Variants in SYNDIG1 observed in about 807,000 individuals in gnomAD.
SYNDIG1 encodes synapse differentiation inducing 1, also known as synapse differentiation-inducing gene protein 1.
In SYNDIG1, 9 loss-of-function variants were observed where a neutral mutation model predicts 19.4. The ratio of observed to expected loss-of-function variants is 0.46; its 90% CI spans 0.28 to 0.81. The LOEUF is 0.81. SYNDIG1 is among the 30% of genes least tolerant of loss of function. The probability of loss-of-function intolerance (pLI) is 0.12; values close to 1 mark genes in which losing one functional copy is unlikely to be tolerated. For missense variants in SYNDIG1, 311 were observed against 343.3 expected (o/e 0.91, Z 0.74); for synonymous variants, 141 against 145.9 (o/e 0.97, Z 0.24).
At chr20:24,664,604 C>T (rs1012577073) in intron 3 of SYNDIG1, among the ~76,000 whole-genome samples, 2 of 152,146 alleles carry the variant, frequency 1.3e-5, no homozygotes, top group Admixed American at 1.3e-4. Flanking sequence ...TCCATCTCCT[C>T]GTGACCCCAA....
chr20:24,626,455 C>T (rs950984930), intron 3 of SYNDIG1, among the ~76,000 whole-genome samples: 3 of 150,460 alleles, frequency 2.0e-5, no homozygotes, highest in Admixed American at 6.6e-5. Flanking sequence ...AGGGCAGAGG[C>T]GCTCCCCACA....
chr20:24,605,874 T>C (rs1312639503), intron 3 of SYNDIG1, among the ~76,000 whole-genome samples: 1 of 152,252 alleles, frequency 6.6e-6, no homozygotes, highest in African/African-American at 2.4e-5. Flanking sequence ...CTGTGCACTC[T>C]TCCCTTTGGA....
At chr20:24,604,621 A>G (rs914756707) in intron 3 of SYNDIG1, among the ~76,000 whole-genome samples, 9 of 152,258 alleles carry the variant, frequency 5.9e-5, no homozygotes, top group Non-Finnish European at 1.3e-4. Flanking sequence ...CTCTTTTCCC[A>G]GAAAAATCAT....
At chr20:24,642,478 C>A (rs969043130) in intron 3 of SYNDIG1, among the ~76,000 whole-genome samples, 8 of 152,166 alleles carry the variant, frequency 5.3e-5, no homozygotes, top group African/African-American at 9.7e-5. Flanking sequence ...AATACTTTAT[C>A]ACCTTAAGGG....
intron 1 of SYNDIG1, among the ~76,000 whole-genome samples, chr20:24,473,602 G>A (rs1041811273): frequency 3.3e-5 from 5 of 152,098 alleles, no homozygotes; most frequent in Admixed American, 1.3e-4. Context: ...TGGATTGCAC[G>A]GGGAGTGGGG....
chr20:24,515,488 A>C (rs557117819), intron 1 of SYNDIG1, among the ~76,000 whole-genome samples: 95 of 152,246 alleles, frequency 6.2e-4, no homozygotes, highest in African/African-American at 2.1e-3. Context: ...ACTTCAGCAA[A>C]GTCTCAGGAT....
intron 3 of SYNDIG1, among the ~76,000 whole-genome samples, chr20:24,630,949 A>G (rs761437): frequency 0.61 from 92,070 of 152,152 alleles, 28,045 homozygotes; most frequent in Admixed American, 0.66. Context: ...GCAGGATCAC[A>G]TGATGATTTG....
At chr20:24,661,518 G>GAGGGAA (rs2059599299) in intron 3 of SYNDIG1, among the ~76,000 whole-genome samples, 3 of 100,888 alleles carry the variant, frequency 3.0e-5, no homozygotes, top group Non-Finnish European at 4.3e-5. Context: ...GAGGAAGGAG[G>GAGGGAA]GAGGGAGGAA....
At chr20:24,521,148 G>A (rs1394605581) in intron 1 of SYNDIG1, among the ~76,000 whole-genome samples, 2 of 152,158 alleles carry the variant, frequency 1.3e-5, no homozygotes, top group East Asian at 1.9e-4. Flanking sequence ...AGGAAAATTT[G>A]CTTCATTTTG....
In SYNDIG1 at chr20:24,519,204, T is replaced by C. The variant is rs191009899; in HGVS notation, c.-78-23816T>C. Among the ~76,000 whole-genome samples, 4 of 152,200 alleles carry C rather than the reference T, an allele frequency of 2.6e-5. No homozygotes were observed. In the East Asian group the frequency reaches 7.7e-4, roughly 29 times the overall value. ...ACAGGTCCAGGAGGCAGTGTGAGAGTTTATGATGTTAATTAATTACAAGAT... is the reference window on the plus strand; with the variant it reads ...ACAGGTCCAGGAGGCAGTGTGAGAGCTTATGATGTTAATTAATTACAAGAT... On this transcript the variant is annotated intron_variant, in intron 1 of 3. Transcript: ENST00000376862.
intron 1 of SYNDIG1, among the ~76,000 whole-genome samples, chr20:24,512,108 A>AATATATATATATAT (rs56002733): frequency 1.6e-4 from 12 of 76,550 alleles, no homozygotes; most frequent in Admixed American, 4.6e-4. Context: ...TGGTCTTTAA[A>AATATATATATATAT]ATATATATAT....
At chr20:24,539,749 T>C (rs993142849) in intron 1 of SYNDIG1, among the ~76,000 whole-genome samples, 2 of 145,772 alleles carry the variant, frequency 1.4e-5, no homozygotes, top group African/African-American at 5.2e-5. Context: ...CTTCTTTAAT[T>C]TTTTTCAGCA....
chr20:24,509,349 T>A (rs1026255042), intron 1 of SYNDIG1, among the ~76,000 whole-genome samples: 2 of 152,268 alleles, frequency 1.3e-5, no homozygotes, highest in African/African-American at 4.8e-5. Flanking sequence ...AAATTTTTAA[T>A]ATGCATTTCT....
chr20:24,469,992 G>A (rs898576645), intron 1 of SYNDIG1, among the ~76,000 whole-genome samples: 2 of 152,184 alleles, frequency 1.3e-5, no homozygotes, highest in African/African-American at 2.4e-5. Context: ...AGGGGGAGCT[G>A]AGCCGGCAGA....
At chr20:24,513,002 A>G (rs1173746239) in intron 1 of SYNDIG1, among the ~76,000 whole-genome samples, 1 of 152,158 alleles carries the variant, frequency 6.6e-6, no homozygotes, top group Non-Finnish European at 1.5e-5. Flanking sequence ...CGCTGGTGAT[A>G]ACCAGGCAAA....
intron 2 of SYNDIG1, among the ~76,000 whole-genome samples, chr20:24,547,952 T>C (rs6049778): frequency 1 from 151,980 of 152,326 alleles, 75,819 homozygotes; most frequent in African/African-American, 1. Context: ...CTCTCAGACC[T>C]GAAGTACATG....
chr20:24,650,801 TC>T (rs2059463691), intron 3 of SYNDIG1, among the ~76,000 whole-genome samples: 1 of 151,916 alleles, frequency 6.6e-6, no homozygotes, highest in Non-Finnish European at 1.5e-5. Flanking sequence ...TCCCAAGGGC[TC>T]CCAAGGACCA....
At chr20:24,641,565 T>A (rs766530590) in intron 3 of SYNDIG1, among the ~76,000 whole-genome samples, 3 of 152,172 alleles carry the variant, frequency 2.0e-5, no homozygotes, top group Non-Finnish European at 4.4e-5. Context: ...TGTTAGTATT[T>A]GTCGCAACCA....
chr20:24,545,191 T>C (rs1600579278), intron 2 of SYNDIG1, among the ~76,000 whole-genome samples: 1 of 152,088 alleles, frequency 6.6e-6, no homozygotes, highest in African/African-American at 2.4e-5. Context: ...TTGGTGCAAC[T>C]CCAGCCGGTG....
Sources: gnomAD v4.1 joint callset for allele counts (sites outside exome capture counted in the v4.1 genomes callset) on GRCh38, gnomAD v4.1.1 for gene constraint, MANE v1.5 for transcripts, NCBI Gene and HGNC (gene_info 2026-07-23, HGNC 2026-07-21) for gene names.